ATG2B: variants seen among roughly 807,000 people sequenced by gnomAD.
ATG2B encodes the protein autophagy related 2B.
ATG2B carries 121 observed loss-of-function variants against 241.3 expected under a neutral mutation model. That is an observed-to-expected ratio of 0.50 (90% CI 0.43 to 0.58). The LOEUF is 0.58. ATG2B is among the 20% of genes least tolerant of loss of function. ATG2B has a pLI of 0.00. For missense variants in ATG2B, 2,306 were observed against 2,491.6 expected (o/e 0.93, Z 1.59); for synonymous variants, 858 against 876.6 (o/e 0.98, Z 0.37).
Position 96,315,471 on chromosome 14 carries a change from A to C in ATG2B, c.3474T>G (p.Thr1158=), listed in dbSNP as rs1887282697. The C allele has an allele frequency of 2.8e-5, 46 of 1,614,076 alleles. No homozygotes were observed. The East Asian group carries it at 1.0e-3, about 35-fold the overall frequency. Residue 1158 remains threonine (T), a synonymous_variant, in exon 22 of 42, where the codon ACT becomes ACG. Coordinates refer to ENST00000359933, the MANE Select transcript of ATG2B (RefSeq NM_018036.7). ...TGTCTCCTCCAACTCCATCTGAAGA[A>C]GTTTTACTGAGGCCATCTTCTTCAG... ...YSSEEDGLSK[T]SSDGVGGDSL... is the part of the protein sequence containing the mutation.
At chr14:96,319,513 A>C (rs1320767388) in intron 18 of ATG2B, among the ~76,000 whole-genome samples, 1 of 152,202 alleles carries the variant, frequency 6.6e-6, no homozygotes, top group Non-Finnish European at 1.5e-5. Context: ...CTGTTGACCA[A>C]GGCACTAAAG....
Position 96,311,558 on chromosome 14 carries a change from T to A in ATG2B, c.3974A>T (p.Asp1325Val), listed in dbSNP as rs1224522888. The change falls in exon 27 of 42, where the codon GAT (aspartate) becomes GTT (valine). Residue 1325 changes from aspartate to valine, a missense_variant. This residue lies in a region of ATG2B where 1,927 missense variants were observed against 2,011.2 expected (regional missense o/e 0.96). Transcript: ENST00000359933. ...LELTITAVKS[D>V]SDGEQTEPRF... The stretch of plus-strand genomic sequence containing the variant: ...ATAACTCACTTGCTCTCCATCAGAA[T>A]CAGACTTCACTGCAGTTATGGTTAA... The A allele has an allele frequency of 6.2e-7, 1 of 1,606,826 alleles. No homozygotes were observed. Among genetic ancestry groups the A allele is most frequent in the African/African-American group, 1.3e-5 (1 of 74,928 alleles).
chr14:96,330,905 G>C (rs557712079), intron 11 of ATG2B, among the ~76,000 whole-genome samples: 2 of 152,312 alleles, frequency 1.3e-5, no homozygotes, highest in Admixed American at 1.3e-4. Flanking sequence ...AAGTTGAAAC[G>C]TAGCATCCAA....
rs1014751056 is a variant in ATG2B, at chr14:96,291,631, G to A, written c.5548C>T (p.Leu1850=). The stretch of plus-strand genomic sequence containing the variant: ...CGATAGGAAAGCCTCTTGAGCTTTA[G>A]TTCAGAGCAGTTTAACTGAGCCAGA... ...IGLAQLNCSE[L]KLKRLSYRHG... is the part of the protein sequence containing the mutation. The change falls in exon 38 of 42, where the codon CTA becomes TTA. Residue 1850 remains leucine, a synonymous_variant. Transcript: ENST00000359933. 1 of 1,608,772 alleles carries A rather than the reference G, an allele frequency of 6.2e-7. No individual in the cohort carries two copies. The highest frequency in any genetic ancestry group is 1.1e-5 in the South Asian group (1 of 90,292).
At position 96,290,360 on chromosome 14, in the gene ATG2B, T is replaced by C. The variant is rs1886451371; in HGVS notation, c.5856+76A>G. Reference sequence around the variant, plus strand: ...CAACATTTTGTATATCTTCACAGTATCGTTTTAAAAACAAAAGGACCCAAC... The same window carrying C: ...CAACATTTTGTATATCTTCACAGTACCGTTTTAAAAACAAAAGGACCCAAC... On this transcript the variant is annotated intron_variant, in intron 40 of 41. Coordinates refer to ENST00000359933, the MANE Select transcript of ATG2B (RefSeq NM_018036.7). This position sits in a 1 kb window ranked among gnomAD's most constrained non-coding sequence, Gnocchi z 4.4. 9.2e-6 allele frequency: 14 copies of C among 1,515,676 alleles called. No homozygotes were observed. The highest frequency in any genetic ancestry group is 1.1e-5 in the Non-Finnish European group (12 of 1,119,886). 93.9% of individuals were successfully genotyped at this position (1,515,676 alleles called of 1,614,324 possible).
At chr14:96,333,390 CTAATT>C (rs1286884880) in intron 8 of ATG2B, among the ~76,000 whole-genome samples, 1 of 152,074 alleles carries the variant, frequency 6.6e-6, no homozygotes, top group African/African-American at 2.4e-5. Flanking sequence ...ATATAACTAC[CTAATT>C]TAACTTTCAC....
Position 96,333,512 on chromosome 14 carries a change from G to A in ATG2B, c.1207+176C>T, listed in dbSNP as rs138495400. On this transcript the variant is annotated intron_variant, in intron 8 of 41. Transcript: ENST00000359933. Reference sequence around the variant, plus strand: ...TATACTATAGCACCTATGTGCTGGTGCATTACTGTAATGTTGTGATTAGAT... The same window carrying A: ...TATACTATAGCACCTATGTGCTGGTACATTACTGTAATGTTGTGATTAGAT... Among the ~76,000 whole-genome samples the A allele has an allele frequency of 2.0e-5, 3 of 152,304 alleles. No individual in the cohort carries two copies. In the East Asian group the frequency reaches 5.8e-4, roughly 29 times the overall value.
chr14:96,284,825 C>T lies in ATG2B; in HGVS notation c.*930G>A, dbSNP rs1297903796. 6.6e-6 allele frequency: 1 copy of T among 152,158 alleles called. No individual in the cohort carries two copies. The highest frequency in any genetic ancestry group is 6.5e-5 in the Admixed American group (1 of 15,286). 9.4% of individuals were successfully genotyped at this position (152,158 alleles called of 1,614,324 possible). ...CTGTTAACCAAGTAAAAATGGTATG[C>T]TGAAATAGTTAACTAGGGCATATTT... On this transcript the variant is annotated 3_prime_UTR_variant, in exon 42 of 42. Transcript: ENST00000359933.
rs1190305527 is a variant in ATG2B, at chr14:96,285,248, T to TC, written c.*506dup. The TC allele has an allele frequency of 6.4e-6, 1 of 155,632 alleles. No individual in the cohort carries two copies. The highest frequency in any genetic ancestry group is 2.4e-5 in the African/African-American group (1 of 41,476). The allele number at this position is 155,632 out of a possible 1,614,324, so 9.6% of individuals were successfully genotyped here. ...GGAGTAAATGGAAATAATGTTGTTCTCAAGTGCATGAACACTAAATTCAAC... is the reference window on the plus strand; with the variant it reads ...GGAGTAAATGGAAATAATGTTGTTCTCCAAGTGCATGAACACTAAATTCAAC... On this transcript the variant is annotated 3_prime_UTR_variant, in exon 42 of 42. Coordinates refer to ENST00000359933, the MANE Select transcript of ATG2B (RefSeq NM_018036.7). This position sits in a 1 kb window ranked among gnomAD's most constrained non-coding sequence, Gnocchi z 4.2.
chr14:96,295,385 G>A, intron 35 of ATG2B, 97 bp downstream of exon 35: 1 of 880,284 alleles, frequency 1.1e-6, no homozygotes, highest in Non-Finnish European at 1.8e-6. Context: ...ATGTAAGTGG[G>A]AATAAATATT....
Position 96,362,909 on chromosome 14 carries a change from C to G in ATG2B, c.68G>C (p.Gly23Ala). The G allele has an allele frequency of 1.2e-6, 2 of 1,613,656 alleles. No individual in the cohort carries two copies. The highest frequency in any genetic ancestry group is 2.2e-5 in the South Asian group (2 of 91,070). ...ACRYLLQRYL[G>A]HFLQEKLSLE... ...GCTCAGCTTCTCCTGCAGAAAGTGG[C>G]CCAGGTACCTCTGCAGGAGGTACCG... Residue 23 changes from glycine to alanine, a missense_variant, in exon 1 of 42, where the codon GGC becomes GCC. Gly to Ala is a moderately conservative substitution (Grantham distance 60, BLOSUM62 0). Coordinates refer to ENST00000359933, the MANE Select transcript of ATG2B (RefSeq NM_018036.7).
intron 6 of ATG2B, among the ~76,000 whole-genome samples, chr14:96,335,907 T>C (rs905554967): frequency 6.6e-6 from 1 of 152,244 alleles, no homozygotes; most frequent in African/African-American, 2.4e-5. Context: ...ATTTCATTAT[T>C]TGTACATTCT....
chr14:96,309,327 G>C, intron 29 of ATG2B, 126 bp downstream of exon 29: 1 of 1,194,712 alleles, frequency 8.4e-7, no homozygotes, highest in Non-Finnish European at 1.2e-6. Context: ...CAAGCTGAAT[G>C]ATTAACAGAT....
rs1455645223 is a variant in ATG2B, at chr14:96,290,903, G to A, written c.5612C>T (p.Ala1871Val). The A allele has an allele frequency of 3.7e-6, 6 of 1,612,548 alleles. No individual in the cohort carries two copies. In the East Asian group the frequency reaches 1.3e-4, roughly 36 times the overall value. The change falls in exon 39 of 42, where the codon GCA becomes GTA. Residue 1871 changes from alanine (A) to valine (V), a missense_variant. Around this residue, in one of 2 missense-constraint regions of ATG2B, gnomAD observed 379 missense variants for 480.4 expected, o/e 0.79. Coordinates refer to ENST00000359933, the MANE Select transcript of ATG2B (RefSeq NM_018036.7). This position sits in a 1 kb window ranked among gnomAD's most constrained non-coding sequence, Gnocchi z 4.4. ...LLGVDKLFSYAITEWLNDIKK... is the reference protein window; with the variant it reads ...LLGVDKLFSYVITEWLNDIKK... ...AATGTCATTAAGCCACTCAGTGATT[G>A]CATATGAGAATAATTTGTCAACGCC... is the stretch of plus-strand genomic sequence containing the variant.
Position 96,290,963 on chromosome 14 carries a change from A to G in ATG2B, c.5580-28T>C, listed in dbSNP as rs776763382. On this transcript the variant is annotated intron_variant, in intron 38 of 41. Coordinates refer to ENST00000359933, the MANE Select transcript of ATG2B (RefSeq NM_018036.7). The surrounding 1 kb of genome is among the most constrained non-coding windows in gnomAD (Gnocchi z 4.4). The stretch of plus-strand genomic sequence containing the variant: ...AGAGCAAATGATTATTAGTATGTCA[A>G]AAGGAGAAATACATTTATAGACACA... 6.3e-7 allele frequency: 1 copy of G among 1,589,450 alleles called. No homozygotes were observed.
intron 1 of ATG2B, among the ~76,000 whole-genome samples, chr14:96,350,016 T>TCTA (rs1036566176): frequency 3.3e-5 from 5 of 152,066 alleles, no homozygotes; most frequent in African/African-American, 9.6e-5. Context: ...ATTAACCAGG[T>TCTA]GTAGTGGCAC....
chr14:96,317,172 T>A lies in ATG2B; in HGVS notation c.3183A>T (p.Gly1061=). ...TCACATCTGTGAACACTGCTATTAATCCATGATTAATATTCAGAAGAACTG... is the reference window on the plus strand; with the variant it reads ...TCACATCTGTGAACACTGCTATTAAACCATGATTAATATTCAGAAGAACTG... ...FLSVLLNINH[G]LIAVFTDVKQ... The change falls in exon 20 of 42, where the codon GGA becomes GGT. Residue 1061 remains glycine, a synonymous_variant. Coordinates refer to ENST00000359933, the MANE Select transcript of ATG2B (RefSeq NM_018036.7). 6.2e-7 allele frequency: 1 copy of A among 1,613,060 alleles called. No individual in the cohort carries two copies. The highest frequency in any genetic ancestry group is 8.5e-7 in the Non-Finnish European group (1 of 1,179,618).
At chr14:96,362,663 A>C in intron 1 of ATG2B, 152 bp downstream of exon 1, 1 of 749,340 alleles carries the variant, frequency 1.3e-6, no homozygotes, top group African/African-American at 1.8e-5. Flanking sequence ...CAGATTAAAC[A>C]ACACTCTAAC....
chr14:96,305,507 TA>T, intron 31 of ATG2B, 81 bp downstream of exon 31: 2 of 953,156 alleles, frequency 2.1e-6, no homozygotes, highest in Non-Finnish European at 3.1e-6. Flanking sequence ...TTTTTCTCTC[TA>T]AAGGGGAAAT....
Sources: gnomAD v4.1 joint callset for allele counts (sites outside exome capture counted in the v4.1 genomes callset) on GRCh38, gnomAD v4.1.1 for gene constraint, gnomAD v4.1.1 regional missense constraint, Gnocchi (gnomAD v3.1) non-coding constraint, MANE v1.5 for transcripts, NCBI Gene and HGNC (gene_info 2026-07-23, HGNC 2026-07-21) for gene names.